ARHGDIB: variants seen among roughly 807,000 people sequenced by gnomAD.
ARHGDIB encodes rho GDP-dissociation inhibitor 2.
Under a neutral mutation model 22.6 loss-of-function variants are expected in ARHGDIB, and 20 were observed. The observed-to-expected ratio is 0.88, with a 90% CI of 0.62 to 1.28. ARHGDIB has a LOEUF of 1.28. Among genes scored for constraint, ARHGDIB ranks in the 50% most tolerant of loss-of-function variants. The pLI, the probability that ARHGDIB is intolerant of heterozygous loss-of-function variation, is 0.00. For missense variants in ARHGDIB, 254 were observed against 245.4 expected, an observed-to-expected ratio of 1.04 and a Z score of -0.23; for synonymous variants, 114 against 96.1, an observed-to-expected ratio of 1.19 and a Z score of -1.09.
chr12:14,949,920 G>T, intron 2 of ARHGDIB, 35 bp from the exon 3 acceptor site: 1 of 1,587,142 alleles, frequency 6.3e-7, no homozygotes, highest in Non-Finnish European at 8.6e-7. Context: ...GTACCAAGAA[G>T]AGACATGTGT....
intron 1 of ARHGDIB, among the ~76,000 whole-genome samples, chr12:14,954,757 A>G (rs1023400779): frequency 5.3e-5 from 8 of 152,172 alleles, no homozygotes; most frequent in Non-Finnish European, 1.0e-4. Flanking sequence ...TGAATATGAG[A>G]GAATATCTGT....
At position 14,942,048 on chromosome 12, in the gene ARHGDIB, T is replaced by A. The variant is rs1378195797; in HGVS notation, c.*474A>T. On this transcript the variant is annotated 3_prime_UTR_variant, in exon 6 of 6. Transcript: ENST00000228945. ...AGAACACACACAGTTATTGTTTTAT[T>A]CTTGTTCTCTTGTGTCGTTTACAGT... 1.2e-5 allele frequency: 2 copies of A among 166,098 alleles called. No individual in the cohort carries two copies. Among genetic ancestry groups the A allele is most frequent in the Non-Finnish European group, 2.6e-5 (2 of 75,612 alleles). The allele number at this position is 166,098 out of a possible 1,614,324, so 10.3% of individuals were successfully genotyped here. A position where few individuals can be genotyped will look rare whatever the true frequency, so the allele number is the denominator to read the frequency against.
chr12:14,954,851 G>GAT (rs1321075658), intron 1 of ARHGDIB, among the ~76,000 whole-genome samples: 205 of 152,246 alleles, frequency 1.3e-3, no homozygotes, highest in African/African-American at 4.8e-3. Flanking sequence ...AACAAAAAAA[G>GAT]GGTAACTACG....
chr12:14,956,898 A>G (rs1864311723), intron 1 of ARHGDIB, among the ~76,000 whole-genome samples: 1 of 152,232 alleles, frequency 6.6e-6, no homozygotes, highest in African/African-American at 2.4e-5. Context: ...CATAGCACAC[A>G]TCAATGTTTT....
intron 1 of ARHGDIB, among the ~76,000 whole-genome samples, chr12:14,955,465 A>G (rs1415165211): frequency 1.3e-5 from 2 of 152,182 alleles, no homozygotes; most frequent in Non-Finnish European, 2.9e-5. Context: ...TATTGTATAT[A>G]TTTAAGATGT....
At chr12:14,943,828 T>C (rs1863942071) in intron 5 of ARHGDIB, among the ~76,000 whole-genome samples, 1 of 152,222 alleles carries the variant, frequency 6.6e-6, no homozygotes, top group African/African-American at 2.4e-5. Context: ...CTAATAAGTT[T>C]GAAAAAACAG....
In ARHGDIB at chr12:14,942,050, T is replaced by C; in HGVS notation, c.*472A>G. 6.0e-6 allele frequency: 1 copy of C among 166,778 alleles called. No individual in the cohort carries two copies. Among genetic ancestry groups the C allele is most frequent in the Non-Finnish European group, 1.3e-5 (1 of 75,950 alleles). 10.3% of individuals were successfully genotyped at this position (166,778 alleles called of 1,614,324 possible). On this transcript the variant is annotated 3_prime_UTR_variant, in exon 6 of 6. Coordinates refer to ENST00000228945, the MANE Select transcript of ARHGDIB (RefSeq NM_001175.7). ...AACACACACAGTTATTGTTTTATTC[T>C]TGTTCTCTTGTGTCGTTTACAGTGT...
At chr12:14,959,278 C>T (rs550356244) in intron 1 of ARHGDIB, among the ~76,000 whole-genome samples, 6 of 152,230 alleles carry the variant, frequency 3.9e-5, no homozygotes, top group Admixed American at 6.5e-5. Context: ...AATTAGCCAG[C>T]GTGGTGATGC....
rs1324762667 is a variant in ARHGDIB, at chr12:14,950,579, A to G, written c.134T>C (p.Leu45Pro). 1 of 1,613,936 alleles carries G rather than the reference A, an allele frequency of 6.2e-7. No homozygotes were observed. Among genetic ancestry groups the G allele is most frequent in the Non-Finnish European group, 8.5e-7 (1 of 1,179,908 alleles). Residue 45 changes from leucine (L) to proline (P), a missense_variant, in exon 2 of 6, where the codon CTA becomes CCA. Coordinates refer to ENST00000228945, the MANE Select transcript of ARHGDIB (RefSeq NM_001175.7). ...LQEMDKDDESLIKYKKTLLGD... is the reference protein window; with the variant it reads ...LQEMDKDDESPIKYKKTLLGD... ...CAGCAGCGTTTTCTTGTACTTAATT[A>G]GACTCTCATCATCTTTGTCCATTTC...
chr12:14,946,793 A>G (rs572820045), intron 4 of ARHGDIB, among the ~76,000 whole-genome samples: 5 of 152,350 alleles, frequency 3.3e-5, no homozygotes, highest in African/African-American at 1.2e-4. Context: ...AGACAAATTA[A>G]TGCAATAGCA....
At chr12:14,957,144 A>G (rs1009992494) in intron 1 of ARHGDIB, among the ~76,000 whole-genome samples, 4 of 152,158 alleles carry the variant, frequency 2.6e-5, no homozygotes, top group Admixed American at 6.5e-5. Flanking sequence ...GGGATTCAAA[A>G]CCAGGCTCTG....
In ARHGDIB at chr12:14,957,237, G is replaced by A. The variant is rs193251054; in HGVS notation, c.-13+4300C>T. On this transcript the variant is annotated intron_variant, in intron 1 of 5. Coordinates refer to ENST00000228945, the MANE Select transcript of ARHGDIB (RefSeq NM_001175.7). ...CTAAAATGGGGATATTCTTTTTTAC[G>A]GGGTTGAAAGATTGGAGAAAACACA... is the stretch of plus-strand genomic sequence containing the variant. Among the ~76,000 whole-genome samples, 79 of 152,196 alleles carry A rather than the reference G, an allele frequency of 5.2e-4. 1 individual carries two copies. Among genetic ancestry groups the A allele is most frequent in the Admixed American group, 1.5e-3 (23 of 15,296 alleles).
chr12:14,943,623 A>G (rs900141927), intron 5 of ARHGDIB, among the ~76,000 whole-genome samples: 5 of 152,176 alleles, frequency 3.3e-5, no homozygotes, highest in African/African-American at 1.2e-4. Context: ...GGTGATGAGA[A>G]TTCATGGATA....
At chr12:14,955,577 C>T (rs1282923576) in intron 1 of ARHGDIB, among the ~76,000 whole-genome samples, 3 of 152,094 alleles carry the variant, frequency 2.0e-5, no homozygotes, top group Non-Finnish European at 4.4e-5. Flanking sequence ...GGCAAGAGCA[C>T]CTAAAATCTA....
chr12:14,955,928 T>C (rs1377813592), intron 1 of ARHGDIB, among the ~76,000 whole-genome samples: 1 of 152,238 alleles, frequency 6.6e-6, no homozygotes, highest in African/African-American at 2.4e-5. Context: ...CATGTAGTGC[T>C]AAGTGCTTTC....
At chr12:14,950,889 T>C (rs1486601887) in intron 1 of ARHGDIB, 165 bp from the exon 2 acceptor site, 1 of 556,690 alleles carries the variant, frequency 1.8e-6, no homozygotes, top group Non-Finnish European at 3.0e-6. Context: ...GAAATAATAA[T>C]CTAATGTATT....
chr12:14,947,477 A>G (rs750047533), intron 4 of ARHGDIB, among the ~76,000 whole-genome samples: 1 of 152,208 alleles, frequency 6.6e-6, no homozygotes, highest in Non-Finnish European at 1.5e-5. Context: ...CATGAACTAT[A>G]TGCTATTTAC....
chr12:14,946,597 C>A (rs1864020453), intron 4 of ARHGDIB, among the ~76,000 whole-genome samples: 2 of 152,114 alleles, frequency 1.3e-5, no homozygotes, highest in South Asian at 4.1e-4. Context: ...ACTCAAAAGC[C>A]CCTTTCTGTG....
chr12:14,947,950 C>T lies in ARHGDIB; in HGVS notation c.266-1G>A. The T allele has an allele frequency of 6.2e-7, 1 of 1,608,268 alleles. No homozygotes were observed. The highest frequency in any genetic ancestry group is 8.5e-7 in the Non-Finnish European group (1 of 1,174,736). On this transcript the variant is annotated splice_acceptor_variant, in intron 3 of 5. Transcript: ENST00000228945. LOFTEE classifies it high-confidence loss of function. ...TCCTTTTTGAGGGCTTCCAGATCTC[C>T]TGTAGAAGAAGATTTAGAGAGAGTT...
Sources: gnomAD v4.1 joint callset for allele counts (sites outside exome capture counted in the v4.1 genomes callset) on GRCh38, gnomAD v4.1.1 for gene constraint, MANE v1.5 for transcripts, NCBI Gene and HGNC (gene_info 2026-07-23, HGNC 2026-07-21) for gene names.